PTPRD: variants seen among roughly 807,000 people sequenced by gnomAD.
The protein encoded by PTPRD is receptor-type tyrosine-protein phosphatase delta.
PTPRD carries 34 observed loss-of-function variants against 214.5 expected under a neutral mutation model. The observed-to-expected ratio is 0.16, with a 90% confidence interval of 0.12 to 0.21. The LOEUF (loss-of-function observed/expected upper bound fraction) is 0.21, where lower values mean the gene tolerates loss of function less well. Ranked by LOEUF, PTPRD falls within the 10% of genes least tolerant of loss-of-function variation. The pLI, the probability that PTPRD is intolerant of heterozygous loss-of-function variation, is 1.00. For synonymous variants in PTPRD, 1,128 were observed against 845.7 expected (o/e 1.33, Z -5.79); for missense variants, 2,545 against 2,398.7 (o/e 1.06, Z -1.27).
At chr9:9,606,211 C>T (rs1408720394) in intron 7 of PTPRD, among the ~76,000 whole-genome samples, 1 of 151,966 alleles carries the variant, frequency 6.6e-6, no homozygotes, top group East Asian at 1.9e-4. Flanking sequence ...CTATTAAATG[C>T]CTAATAGACT....
intron 14 of PTPRD, among the ~76,000 whole-genome samples, chr9:8,628,107 C>T (rs1400020770): frequency 6.6e-6 from 1 of 151,854 alleles, no homozygotes; most frequent in Middle Eastern, 3.2e-3. Flanking sequence ...GACAGTCAAG[C>T]AGCTGTGCTT....
intron 2 of PTPRD, among the ~76,000 whole-genome samples, chr9:10,509,579 A>ATATATATT (rs1402201904): frequency 7.6e-6 from 1 of 131,240 alleles, no homozygotes; most frequent in African/African-American, 2.7e-5. Context: ...ATATATATAT[A>ATATATATT]TTTTACTCAC....
At chr9:8,817,792 G>A (rs972022981) in intron 11 of PTPRD, among the ~76,000 whole-genome samples, 8 of 152,164 alleles carry the variant, frequency 5.3e-5, no homozygotes, top group African/African-American at 1.9e-4. Context: ...TTTCAAGTAG[G>A]TTTCTTCTTC....
At chr9:10,384,011 G>T (rs1162221666) in intron 2 of PTPRD, among the ~76,000 whole-genome samples, 1 of 150,058 alleles carries the variant, frequency 6.7e-6, no homozygotes, top group Non-Finnish European at 1.5e-5. Context: ...GAGAAGGATG[G>T]TTACCAAAGA....
At chr9:8,747,784 C>T (rs1194489801) in intron 11 of PTPRD, among the ~76,000 whole-genome samples, 1 of 152,156 alleles carries the variant, frequency 6.6e-6, no homozygotes, top group Admixed American at 6.5e-5. Context: ...ATTGATAGCA[C>T]CCATCAGATG....
chr9:10,290,871 A>C (rs2095506878), intron 3 of PTPRD, among the ~76,000 whole-genome samples: 1 of 152,130 alleles, frequency 6.6e-6, no homozygotes, highest in South Asian at 2.1e-4. Context: ...ACACATGCAA[A>C]ATCCTACAGA....
At chr9:10,207,794 A>G (rs1393201288) in intron 3 of PTPRD, among the ~76,000 whole-genome samples, 1 of 152,028 alleles carries the variant, frequency 6.6e-6, no homozygotes, top group Non-Finnish European at 1.5e-5. Flanking sequence ...GTCAAAAAAA[A>G]TCCTGGAAGT....
At chr9:10,041,352 G>A (rs1004224597) in intron 3 of PTPRD, among the ~76,000 whole-genome samples, 2 of 151,954 alleles carry the variant, frequency 1.3e-5, no homozygotes, top group African/African-American at 4.8e-5. Context: ...AAATTCAGTG[G>A]AACTGATTTC....
intron 9 of PTPRD, among the ~76,000 whole-genome samples, chr9:9,292,541 C>G (rs1951526173): frequency 6.6e-6 from 1 of 151,252 alleles, no homozygotes; most frequent in Non-Finnish European, 1.5e-5. Context: ...ATCCATTTTC[C>G]CTATTAACTA....
At chr9:10,180,785 T>A in intron 3 of PTPRD, among the ~76,000 whole-genome samples, 1 of 152,074 alleles carries the variant, frequency 6.6e-6, no homozygotes, top group South Asian at 2.1e-4. Context: ...AATGTAAATA[T>A]TTACATGTAT....
chr9:9,086,506 C>T (rs1054391294), intron 10 of PTPRD, among the ~76,000 whole-genome samples: 2 of 152,100 alleles, frequency 1.3e-5, no homozygotes, highest in African/African-American at 4.8e-5. Context: ...ATTATTATCA[C>T]CTTTATAAAC....
At chr9:10,451,666 A>C (rs113531875) in intron 2 of PTPRD, among the ~76,000 whole-genome samples, 1 of 150,824 alleles carries the variant, frequency 6.6e-6, no homozygotes, top group East Asian at 1.9e-4. Context: ...AGGTACTATA[A>C]AAGTGTTCTT....
At chr9:9,953,871 C>A (rs980902887) in intron 4 of PTPRD, among the ~76,000 whole-genome samples, 1 of 152,164 alleles carries the variant, frequency 6.6e-6, no homozygotes, top group African/African-American at 2.4e-5. Context: ...TTGGCATACA[C>A]ACACTCAATG....
intron 34 of PTPRD, among the ~76,000 whole-genome samples, chr9:8,446,655 G>C (rs1412731163): frequency 1.3e-5 from 2 of 152,138 alleles, no homozygotes; most frequent in African/African-American, 4.8e-5. Context: ...ATATTCTCAA[G>C]CGTTATAATG....
chr9:9,429,249 A>G (rs2082148497), intron 8 of PTPRD, among the ~76,000 whole-genome samples: 1 of 152,234 alleles, frequency 6.6e-6, no homozygotes, highest in Non-Finnish European at 1.5e-5. Flanking sequence ...GATACAAACT[A>G]CCATCAGAGA....
At chr9:8,863,466 TATG>T (rs1470438417) in intron 11 of PTPRD, among the ~76,000 whole-genome samples, 1 of 152,216 alleles carries the variant, frequency 6.6e-6, no homozygotes, top group Non-Finnish European at 1.5e-5. Flanking sequence ...TTGCATGCAT[TATG>T]ATAACTGTAT....
intron 10 of PTPRD, among the ~76,000 whole-genome samples, chr9:9,175,572 G>A (rs1439831649): frequency 7.0e-6 from 1 of 143,308 alleles, no homozygotes; most frequent in African/African-American, 2.6e-5. Flanking sequence ...ACAGTGAGCC[G>A]AGATTGCGCT....
intron 5 of PTPRD, among the ~76,000 whole-genome samples, chr9:9,857,447 A>G (rs2061764167): frequency 6.6e-6 from 1 of 152,146 alleles, no homozygotes; most frequent in African/African-American, 2.4e-5. Context: ...GGCCTAGGTA[A>G]TTGCTTTTTT....
chr9:9,981,181 G>A (rs866010454), intron 4 of PTPRD, among the ~76,000 whole-genome samples: 7 of 152,090 alleles, frequency 4.6e-5, no homozygotes, highest in African/African-American at 1.4e-4. Context: ...AAATGCAGTG[G>A]ATGTATACTA....
Sources: allele counts gnomAD v4.1 joint callset (sites outside exome capture counted in the v4.1 genomes callset), GRCh38; gene constraint gnomAD v4.1.1; transcripts MANE v1.5; gene names NCBI Gene and HGNC (gene_info 2026-07-23, HGNC 2026-07-21).